RIMS2: variants seen among roughly 807,000 people sequenced by gnomAD.
The protein encoded by RIMS2 is regulating synaptic membrane exocytosis 2.
Under a neutral mutation model 174.4 loss-of-function variants are expected in RIMS2, and 59 were observed. The observed-to-expected ratio is 0.34, with a 90% CI of 0.27 to 0.42. The LOEUF is 0.42. Ranked by LOEUF, RIMS2 falls within the 10% of genes least tolerant of loss-of-function variation. RIMS2 has a pLI of 1.00. For missense variants in RIMS2, 1,620 were observed against 1,666.3 expected (o/e 0.97, Z 0.48); for synonymous variants, 606 against 572.5 (o/e 1.06, Z -0.84).
intron 1 of RIMS2, among the ~76,000 whole-genome samples, chr8:103,573,613 A>T (rs188462205): frequency 4.6e-5 from 7 of 152,150 alleles, no homozygotes; most frequent in Non-Finnish European, 8.8e-5. Context: ...TGGTTATTAT[A>T]GCCCTGTAGT....
intron 12 of RIMS2, among the ~76,000 whole-genome samples, chr8:103,936,067 TA>T (rs2081180676): frequency 6.6e-6 from 1 of 152,148 alleles, no homozygotes; most frequent in African/African-American, 2.4e-5. Flanking sequence ...AGTATCTTTA[TA>T]AAAAATAAAT....
At chr8:103,841,977 A>AG (rs1491155574) in intron 3 of RIMS2, among the ~76,000 whole-genome samples, 1 of 148,232 alleles carries the variant, frequency 6.7e-6, no homozygotes, top group East Asian at 1.9e-4. Flanking sequence ...GAAAAAAAAA[A>AG]GAAAAAAAGA....
At chr8:103,891,137 A>G (rs1312855847) in intron 4 of RIMS2, among the ~76,000 whole-genome samples, 1 of 152,090 alleles carries the variant, frequency 6.6e-6, no homozygotes, top group African/African-American at 2.4e-5. Flanking sequence ...TTTCAGAACC[A>G]ATTGAGAGGA....
chr8:103,918,418 C>CT (rs200834695), intron 8 of RIMS2, 23 bp from the exon 12 acceptor site: 249,622 of 1,099,914 alleles, frequency 0.23, 7,139 homozygotes, highest in Non-Finnish European at 0.24. Context: ...TTCTGTCTTT[C>CT]TTTTTTTTTT....
At chr8:103,910,323 G>C in intron 5 of RIMS2, 1 of 1,590,604 alleles carries the variant, frequency 6.3e-7, no homozygotes, top group Middle Eastern at 1.7e-4. Flanking sequence ...ACCTGTAGGG[G>C]ACAGTCAAAA....
intron 2 of RIMS2, among the ~76,000 whole-genome samples, chr8:103,755,580 T>G (rs1292578669): frequency 1.3e-5 from 2 of 152,182 alleles, no homozygotes; most frequent in Admixed American, 6.5e-5. Flanking sequence ...CAAACATAGA[T>G]TTGGTCTTTT....
chr8:103,536,348 T>C (rs1230935457), intron 1 of RIMS2, among the ~76,000 whole-genome samples: 1 of 152,122 alleles, frequency 6.6e-6, no homozygotes, highest in Non-Finnish European at 1.5e-5. Context: ...TCCATGGACC[T>C]AAGAACAAGC....
At chr8:103,818,591 G>C (rs2098732666) in intron 3 of RIMS2, among the ~76,000 whole-genome samples, 1 of 151,994 alleles carries the variant, frequency 6.6e-6, no homozygotes, top group Non-Finnish European at 1.5e-5. Context: ...TTGACTGTAG[G>C]GTTTTTCCCC....
intron 1 of RIMS2, among the ~76,000 whole-genome samples, chr8:103,614,327 G>C (rs1403966875): frequency 6.6e-6 from 1 of 152,272 alleles, no homozygotes; most frequent in Non-Finnish European, 1.5e-5. Context: ...GCAATACTGA[G>C]ATCTGTGTAA....
intron 3 of RIMS2, among the ~76,000 whole-genome samples, chr8:103,795,608 GAAAA>G (rs544643238): frequency 4.0e-5 from 6 of 151,256 alleles, no homozygotes; most frequent in African/African-American, 1.2e-4. Context: ...GAAGTACAAA[GAAAA>G]AAAAGAGGAT....
Position 104,049,379 on chromosome 8 carries a change from C to T in RIMS2, c.3334+34764C>T, listed in dbSNP as rs191580631. On this transcript the variant is annotated intron_variant, in intron 19 of 23. Coordinates refer to ENST00000504942, the Ensembl canonical transcript of RIMS2. ...GGCGGAGCTTGCAGTGAGCCGAGAT[C>T]GCGCCACTGCACTCCAGCCTGGGCG... 7.2e-5 allele frequency among the ~76,000 whole-genome samples: 11 copies of T among 152,142 alleles called. No individual in the cohort carries two copies. In the East Asian group the frequency reaches 1.9e-3, roughly 27 times the overall value.
chr8:103,690,594 C>T (rs1395012112), intron 1 of RIMS2, among the ~76,000 whole-genome samples: 5 of 152,300 alleles, frequency 3.3e-5, no homozygotes, highest in Non-Finnish European at 7.3e-5. Context: ...AAATACTACA[C>T]TTAACCTTTA....
At chr8:103,916,019 G>A (rs1035894674) in intron 7 of RIMS2, among the ~76,000 whole-genome samples, 2 of 151,820 alleles carry the variant, frequency 1.3e-5, no homozygotes, top group Admixed American at 6.6e-5. Context: ...TAATTATTAA[G>A]GTTTTTACAA....
intron 19 of RIMS2, among the ~76,000 whole-genome samples, chr8:104,020,494 T>C (rs1383540749): frequency 6.6e-6 from 1 of 152,076 alleles, no homozygotes; most frequent in South Asian, 2.1e-4. Context: ...TATTTCTGAA[T>C]ATGAAATTAG....
chr8:103,772,235 C>G (rs940241698), intron 3 of RIMS2, among the ~76,000 whole-genome samples: 1 of 151,698 alleles, frequency 6.6e-6, no homozygotes, highest in African/African-American at 2.4e-5. Context: ...ACTTTATTCA[C>G]AGAGAACATG....
At chr8:103,649,639 C>A (rs1589691676) in intron 1 of RIMS2, among the ~76,000 whole-genome samples, 1 of 146,116 alleles carries the variant, frequency 6.8e-6, no homozygotes, top group Non-Finnish European at 1.5e-5. Flanking sequence ...TTGTTCATGC[C>A]TTTTCATTCT....
At chr8:103,837,594 G>A (rs959112377) in intron 3 of RIMS2, among the ~76,000 whole-genome samples, 2 of 152,132 alleles carry the variant, frequency 1.3e-5, no homozygotes, top group South Asian at 2.1e-4. Context: ...TCCCACCTAT[G>A]AGTGAGAACA....
chr8:104,163,566 A>G (rs948491389), intron 19 of RIMS2, among the ~76,000 whole-genome samples: 1 of 152,190 alleles, frequency 6.6e-6, no homozygotes. Context: ...TCAACCGTGT[A>G]GGATCTGAAT....
At chr8:103,575,144 T>G (rs1421878166) in intron 1 of RIMS2, among the ~76,000 whole-genome samples, 2 of 152,092 alleles carry the variant, frequency 1.3e-5, no homozygotes, top group Non-Finnish European at 2.9e-5. Context: ...ACTTATGAGA[T>G]TACTAGATAA....
Sources: allele counts gnomAD v4.1 joint callset (sites outside exome capture counted in the v4.1 genomes callset), GRCh38; gene constraint gnomAD v4.1.1; transcripts MANE v1.5; gene names NCBI Gene and HGNC (gene_info 2026-07-23, HGNC 2026-07-21).